The following CCDC178 variants were observed in gnomAD, a reference collection of about 807,000 sequenced individuals.
CCDC178 encodes coiled-coil domain-containing protein 178.
In CCDC178, 126 loss-of-function variants were observed where a neutral mutation model predicts 117.4. The ratio of observed to expected loss-of-function variants is 1.07; its 90% CI spans 0.93 to 1.24. The LOEUF (loss-of-function observed/expected upper bound fraction) is 1.24. Among genes scored for constraint, CCDC178 ranks in the 50% most tolerant of loss-of-function variants. CCDC178 has a pLI of 0.00. For synonymous variants in CCDC178, 283 were observed against 313.4 expected (o/e 0.90, Z 1.02); for missense variants, 1,030 against 986.9 (o/e 1.04, Z -0.59).
chr18:33,137,958 G>A (rs1295700231), intron 20 of CCDC178, among the ~76,000 whole-genome samples: 2 of 152,178 alleles, frequency 1.3e-5, no homozygotes, highest in Non-Finnish European at 2.9e-5. Flanking sequence ...CGAACATTTA[G>A]GATATATTCT....
chr18:33,311,160 C>A (rs910836762), intron 11 of CCDC178, among the ~76,000 whole-genome samples: 2 of 151,950 alleles, frequency 1.3e-5, no homozygotes, highest in African/African-American at 4.8e-5. Flanking sequence ...CTCACTGGAG[C>A]AGGAAAACAA....
At chr18:33,285,094 T>G (rs1243012843) in intron 12 of CCDC178, among the ~76,000 whole-genome samples, 1 of 152,110 alleles carries the variant, frequency 6.6e-6, no homozygotes, top group Admixed American at 6.5e-5. Context: ...AAAAATCGTT[T>G]CTTTTTAAAT....
intron 11 of CCDC178, among the ~76,000 whole-genome samples, chr18:33,311,501 C>A (rs1459295580): frequency 6.6e-6 from 1 of 152,238 alleles, no homozygotes; most frequent in Non-Finnish European, 1.5e-5. Flanking sequence ...AACCTCAGCT[C>A]CAGTGAGTGT....
chr18:32,961,486 A>C (rs2054701850), intron 22 of CCDC178, among the ~76,000 whole-genome samples: 1 of 152,022 alleles, frequency 6.6e-6, no homozygotes, highest in Non-Finnish European at 1.5e-5. Context: ...TTCTTTTGTA[A>C]AGTGTGTCAC....
intron 21 of CCDC178, among the ~76,000 whole-genome samples, chr18:33,029,303 A>G (rs953000604): frequency 4.6e-5 from 7 of 151,944 alleles, no homozygotes; most frequent in African/African-American, 1.7e-4. Flanking sequence ...CTGGCATTCA[A>G]ATGTTCATAC....
intron 12 of CCDC178, among the ~76,000 whole-genome samples, chr18:33,274,601 T>G (rs751437678): frequency 5.3e-5 from 8 of 152,050 alleles, no homozygotes; most frequent in Non-Finnish European, 1.0e-4. Context: ...CAGACTCTAC[T>G]ACATAAAGGA....
rs60997290 is a variant in CCDC178 at position 33,202,391 on chromosome 18, T to TAA, written c.2238+9503_2238+9504dup. 5.3e-3 allele frequency among the ~76,000 whole-genome samples: 108 copies of TAA among 20,280 alleles called. 4 individuals carry two copies. Among genetic ancestry groups the TAA allele is most frequent in the Middle Eastern group, 0.071 (1 of 14 alleles). The allele number at this position is 20,280 out of a possible 152,430, so 13.3% of individuals were successfully genotyped here. ...CTGGCAACAGAGCAAGACTCCATCTTAAAAAAAAAAAAAAAAAAAAAAAAA... is the reference window on the plus strand; with the variant it reads ...CTGGCAACAGAGCAAGACTCCATCTTAAAAAAAAAAAAAAAAAAAAAAAAAAA... On this transcript the variant is annotated intron_variant, in intron 20 of 22. Coordinates refer to ENST00000383096, the MANE Select transcript of CCDC178 (RefSeq NM_001105528.4).
chr18:33,328,083 A>ATTTTTTTT (rs771034112), intron 10 of CCDC178: 2 of 100,728 alleles, frequency 2.0e-5, no homozygotes, highest in African/African-American at 1.3e-4. Context: ...TTATCCCTAG[A>ATTTTTTTT]TTTTTTTTTT....
At chr18:33,247,357 G>T (rs906679662) in intron 14 of CCDC178, among the ~76,000 whole-genome samples, 3 of 151,686 alleles carry the variant, frequency 2.0e-5, no homozygotes, top group Non-Finnish European at 2.9e-5. Flanking sequence ...AAAAGGAAAA[G>T]AAATTTTGAC....
chr18:33,282,437 T>G (rs562641161), intron 12 of CCDC178, among the ~76,000 whole-genome samples: 1 of 152,286 alleles, frequency 6.6e-6, no homozygotes, highest in East Asian at 1.9e-4. Flanking sequence ...AAGCTGGTCC[T>G]GCACATCAGA....
intron 8 of CCDC178, among the ~76,000 whole-genome samples, chr18:33,347,237 T>C (rs2062908651): frequency 6.6e-6 from 1 of 152,008 alleles, no homozygotes; most frequent in South Asian, 2.1e-4. Flanking sequence ...CCGAAAGAAC[T>C]GAGGCTAGAG....
At chr18:33,436,765 G>T (rs529320795) in intron 2 of CCDC178, among the ~76,000 whole-genome samples, 14 of 152,234 alleles carry the variant, frequency 9.2e-5, no homozygotes, top group Middle Eastern at 3.4e-3. Context: ...AGTAAAGGCT[G>T]GTAACATAGC....
At chr18:33,009,282 A>G (rs968104004) in intron 21 of CCDC178, among the ~76,000 whole-genome samples, 5 of 152,056 alleles carry the variant, frequency 3.3e-5, no homozygotes, top group Non-Finnish European at 7.4e-5. Flanking sequence ...CAATTAAACC[A>G]TAATTTGGAT....
intron 10 of CCDC178, among the ~76,000 whole-genome samples, chr18:33,331,422 G>T (rs2062666978): frequency 6.6e-6 from 1 of 151,906 alleles, no homozygotes; most frequent in African/African-American, 2.4e-5. Flanking sequence ...CTGTAAAATG[G>T]AAGTTAGAGC....
At position 33,092,753 on chromosome 18, in the gene CCDC178, A is replaced by T; in HGVS notation, c.2388+8T>A. On this transcript the variant is annotated splice_region_variant and intron_variant, in intron 21 of 22. Transcript: ENST00000383096. ...TCATCACCTTAAAACAATTAGAAAAACCAATACCTGTTTCTTATCTCTAAT... is the reference window on the plus strand; with the variant it reads ...TCATCACCTTAAAACAATTAGAAAATCCAATACCTGTTTCTTATCTCTAAT... The T allele has an allele frequency of 5.3e-6, 8 of 1,523,062 alleles. No homozygotes were observed. Among genetic ancestry groups the T allele is most frequent in the Non-Finnish European group, 7.2e-6 (8 of 1,114,644 alleles). The allele number at this position is 1,523,062 out of a possible 1,614,324, so 94.3% of individuals were successfully genotyped here.
chr18:32,939,469 C>T (rs1001038086), intron 22 of CCDC178, among the ~76,000 whole-genome samples: 10 of 151,982 alleles, frequency 6.6e-5, no homozygotes, highest in African/African-American at 1.7e-4. Flanking sequence ...AATAGTCAAA[C>T]GTGGTATAAA....
intron 14 of CCDC178, among the ~76,000 whole-genome samples, chr18:33,249,640 T>C (rs890119718): frequency 6.6e-6 from 1 of 152,152 alleles, no homozygotes; most frequent in African/African-American, 2.4e-5. Flanking sequence ...TCTGTTTTGG[T>C]ACCAGTACCA....
At chr18:33,102,312 T>A (rs1489292796) in intron 20 of CCDC178, among the ~76,000 whole-genome samples, 1 of 151,598 alleles carries the variant, frequency 6.6e-6, no homozygotes, top group Non-Finnish European at 1.5e-5. Flanking sequence ...GGGTATGAAT[T>A]GCAGAACCCT....
At chr18:33,070,975 T>C (rs574854392) in intron 21 of CCDC178, among the ~76,000 whole-genome samples, 1 of 152,156 alleles carries the variant, frequency 6.6e-6, no homozygotes, top group Non-Finnish European at 1.5e-5. Flanking sequence ...GTCATAAAGA[T>C]GAAAATAAAT....
Sources: gnomAD v4.1 joint callset for allele counts (sites outside exome capture counted in the v4.1 genomes callset) on GRCh38, gnomAD v4.1.1 for gene constraint, MANE v1.5 for transcripts, NCBI Gene and HGNC (gene_info 2026-07-23, HGNC 2026-07-21) for gene names.